Variants in IDO2 observed in about 807,000 individuals in gnomAD.
IDO2 encodes the protein indoleamine 2,3-dioxygenase-like 1 protein.
A neutral mutation model predicts 45.1 loss-of-function variants in IDO2; 46 were observed. The ratio of observed to expected loss-of-function variants is 1.02; its 90% confidence interval spans 0.80 to 1.30. The LOEUF (loss-of-function observed/expected upper bound fraction) is 1.30. Ranked by LOEUF, IDO2 falls within the 50% of genes most tolerant of loss-of-function variation. IDO2 has a pLI of 0.00. For missense variants in IDO2, 544 were observed against 491.8 expected, an observed-to-expected ratio of 1.11 and a Z score of -1.00; for synonymous variants, 218 against 184.9, an observed-to-expected ratio of 1.18 and a Z score of -1.45.
chr8:39,942,454 G>A (rs1192015776), intron 1 of IDO2, among the ~76,000 whole-genome samples: 1 of 152,068 alleles, frequency 6.6e-6, no homozygotes, highest in Non-Finnish European at 1.5e-5. Flanking sequence ...GACCAGCCTG[G>A]CCAACATGAC....
intron 9 of IDO2, among the ~76,000 whole-genome samples, chr8:40,007,378 G>C (rs572118474): frequency 1.3e-5 from 2 of 152,198 alleles, no homozygotes; most frequent in South Asian, 4.2e-4. Context: ...AGGGAGTGGG[G>C]ATGGAATCCT....
At chr8:39,951,202 G>A (rs1032125563) in intron 2 of IDO2, among the ~76,000 whole-genome samples, 15 of 151,626 alleles carry the variant, frequency 9.9e-5, no homozygotes, top group Non-Finnish European at 2.1e-4. Flanking sequence ...ATAGTTAAAT[G>A]GCAAATTAGG....
chr8:39,934,910 T>TG lies in IDO2; in HGVS notation c.-324dup, dbSNP rs1807522778. 1 of 553,820 alleles carries TG rather than the reference T, an allele frequency of 1.8e-6. No individual in the cohort carries two copies. 34.3% of individuals were successfully genotyped at this position (553,820 alleles called of 1,614,324 possible). On this transcript the variant is annotated 5_prime_UTR_variant, in exon 1 of 11. The change abolishes the stop of an existing upstream ORF in the 5' untranslated region. Coordinates refer to ENST00000502986, the Ensembl canonical transcript of IDO2. ...ATCTGCCTGGTAAGGGATCATTTGC[T>TG]GGTGTCTGCAAAGTTGAGTCCATAC...
At chr8:40,014,966 T>C (rs769016250) in intron 10 of IDO2, among the ~76,000 whole-genome samples, 1 of 151,794 alleles carries the variant, frequency 6.6e-6, no homozygotes, top group Admixed American at 6.6e-5. Flanking sequence ...CTGGGCAACA[T>C]AGCAAGAACC....
intron 1 of IDO2, among the ~76,000 whole-genome samples, chr8:39,939,667 G>A (rs1351989796): frequency 6.8e-6 from 1 of 147,244 alleles, no homozygotes; most frequent in East Asian, 2.0e-4. Context: ...AAGGATAGAT[G>A]TCATGGAAAA....
chr8:39,967,131 C>G (rs1234667704), intron 3 of IDO2, among the ~76,000 whole-genome samples: 3 of 151,870 alleles, frequency 2.0e-5, no homozygotes, highest in Non-Finnish European at 4.4e-5. Context: ...TTTCATAAAG[C>G]ATAAAGAAAA....
chr8:39,950,196 A>G (rs1331448724), intron 2 of IDO2, among the ~76,000 whole-genome samples: 1 of 152,086 alleles, frequency 6.6e-6, no homozygotes, highest in Non-Finnish European at 1.5e-5. Context: ...AATTATTATT[A>G]TTACATCCTA....
chr8:39,981,233 T>C (rs535550137), intron 4 of IDO2, among the ~76,000 whole-genome samples: 1 of 152,076 alleles, frequency 6.6e-6, no homozygotes, highest in Non-Finnish European at 1.5e-5. Flanking sequence ...GGCTAATTTT[T>C]ATATTTTTAG....
chr8:39,949,067 C>T, intron 1 of IDO2, 82 bp from the exon 2 acceptor site: 2 of 1,526,466 alleles, frequency 1.3e-6, no homozygotes, highest in Middle Eastern at 1.7e-4. Context: ...AGACACTGCG[C>T]AACTAACTGG....
At chr8:39,975,833 AC>A (rs1296925574) in intron 3 of IDO2, among the ~76,000 whole-genome samples, 2 of 152,074 alleles carry the variant, frequency 1.3e-5, no homozygotes, top group East Asian at 1.9e-4. Flanking sequence ...TAGCAAAAAA[AC>A]ATAAAATAAC....
chr8:39,996,385 C>T (rs905356623), intron 8 of IDO2, among the ~76,000 whole-genome samples: 2 of 152,226 alleles, frequency 1.3e-5, no homozygotes, highest in African/African-American at 4.8e-5. Context: ...CTCTCTCCGC[C>T]TCAGCTGCCA....
intron 8 of IDO2, among the ~76,000 whole-genome samples, chr8:39,990,599 T>C (rs1585413609): frequency 5.3e-5 from 8 of 152,230 alleles, no homozygotes; most frequent in Admixed American, 5.2e-4. Flanking sequence ...CCCTTTTTAT[T>C]GATGCTCATA....
chr8:39,976,998 T>G (rs1019106468), intron 3 of IDO2, among the ~76,000 whole-genome samples: 1 of 152,174 alleles, frequency 6.6e-6, no homozygotes, highest in Non-Finnish European at 1.5e-5. Flanking sequence ...GAGAAAAGTA[T>G]TAATAATTTT....
rs1585411439 is a variant in IDO2 at position 39,985,428 on chromosome 8, A to T, written c.435-80A>T. On this transcript the variant is annotated intron_variant, in intron 5 of 10. Transcript: ENST00000502986. Reference sequence around the variant, plus strand: ...TGGACATGTGACCCTAGAAGTTATTAATATATCTGGTTTACAAACTGAATT... The same window carrying T: ...TGGACATGTGACCCTAGAAGTTATTTATATATCTGGTTTACAAACTGAATT... 7.2e-6 allele frequency: 9 copies of T among 1,248,932 alleles called. No individual in the cohort carries two copies. The South Asian group carries it at 9.1e-5, about 13-fold the overall frequency. The allele number at this position is 1,248,932 out of a possible 1,614,324, so 77.4% of individuals were successfully genotyped here. A position where few individuals can be genotyped will look rare whatever the true frequency, so the allele number is the denominator to read the frequency against.
chr8:39,967,241 G>T (rs1808099622), intron 3 of IDO2, among the ~76,000 whole-genome samples: 1 of 152,090 alleles, frequency 6.6e-6, no homozygotes, highest in African/African-American at 2.4e-5. Flanking sequence ...CAGATGGGTG[G>T]AGGAAAAGTA....
At position 40,001,567 on chromosome 8, in the gene IDO2, C is replaced by T. The variant is rs988042515; in HGVS notation, c.668-3760C>T. 9.9e-5 allele frequency among the ~76,000 whole-genome samples: 15 copies of T among 151,800 alleles called. 1 individual carries two copies. The highest frequency in any genetic ancestry group is 2.1e-4 in the Non-Finnish European group (14 of 67,910). ...CCAGCCATCTTTCCTCATTTTTATACTAATTAGGCTTTTATCTTACTTGTT... is the reference window on the plus strand; with the variant it reads ...CCAGCCATCTTTCCTCATTTTTATATTAATTAGGCTTTTATCTTACTTGTT... On this transcript the variant is annotated intron_variant, in intron 8 of 10. Coordinates refer to ENST00000502986, the Ensembl canonical transcript of IDO2.
Position 39,970,581 on chromosome 8 carries a change from G to A in IDO2, c.195+6878G>A, listed in dbSNP as rs1044547518. ...TAATTTTTGTATCTTTGGTAGAGAC[G>A]GGGTTTCACCACATTGGCCAGGCTG... is the stretch of plus-strand genomic sequence containing the variant. On this transcript the variant is annotated intron_variant, in intron 3 of 10. Transcript: ENST00000502986. Among the ~76,000 whole-genome samples the A allele has an allele frequency of 2.0e-5, 3 of 152,114 alleles. No individual in the cohort carries two copies. The East Asian group carries it at 5.8e-4, about 29-fold the overall frequency.
chr8:40,010,784 CAGG>C (rs1382013891), intron 9 of IDO2, among the ~76,000 whole-genome samples: 1 of 152,130 alleles, frequency 6.6e-6, no homozygotes, highest in East Asian at 1.9e-4. Context: ...GAAAGGAAAT[CAGG>C]AGATCAGTTT....
chr8:39,993,226 G>GT (rs796557058), intron 8 of IDO2, among the ~76,000 whole-genome samples: 76 of 146,080 alleles, frequency 5.2e-4, no homozygotes, highest in Middle Eastern at 3.5e-3. Flanking sequence ...TAAGACATGT[G>GT]TTTTTTTTTT....
Sources: allele counts gnomAD v4.1 joint callset (sites outside exome capture counted in the v4.1 genomes callset), GRCh38; gene constraint gnomAD v4.1.1; transcripts MANE v1.5; gene names NCBI Gene and HGNC (gene_info 2026-07-23, HGNC 2026-07-21).